The following NTNG2 variants were observed in gnomAD, a reference collection of about 807,000 sequenced individuals.
The protein encoded by NTNG2 is netrin G2.
In NTNG2, 15 loss-of-function variants were observed where a neutral mutation model predicts 47.6. The ratio of observed to expected loss-of-function variants is 0.32; its 90% CI spans 0.21 to 0.49. The LOEUF (loss-of-function observed/expected upper bound fraction) is 0.49, where lower values mean the gene tolerates loss of function less well. Among genes scored for constraint, NTNG2 ranks in the 20% least tolerant of loss-of-function variants. The probability of loss-of-function intolerance (pLI) is 0.99; values close to 1 mark genes in which losing one functional copy is unlikely to be tolerated. For synonymous variants in NTNG2, 307 were observed against 324.6 expected (o/e 0.95, Z 0.58); for missense variants, 578 against 764.6 (o/e 0.76, Z 2.88).
intron 1 of NTNG2, among the ~76,000 whole-genome samples, chr9:132,164,714 A>T (rs956640737): frequency 6.6e-6 from 1 of 152,264 alleles, no homozygotes; most frequent in African/African-American, 2.4e-5. Flanking sequence ...GTTCCCCTTT[A>T]AACAGCCAGA....
In NTNG2 at chr9:132,208,496, A is replaced by G. The variant is rs1233343338; in HGVS notation, c.857+9887A>G. 6.6e-6 allele frequency among the ~76,000 whole-genome samples: 1 copy of G among 152,058 alleles called. No homozygotes were observed. Among genetic ancestry groups the G allele is most frequent in the Non-Finnish European group, 1.5e-5 (1 of 68,018 alleles). ...GCCTGCAGGAGACTGGGCGGGCCCT[A>G]CCAAGACTGACAGCAGCCTGGCCGG... On this transcript the variant is annotated intron_variant, in intron 3 of 7. Transcript: ENST00000393229. The surrounding 1 kb of genome is among the most constrained non-coding windows in gnomAD (Gnocchi z 4.0).
At chr9:132,170,293 A>C (rs1387110114) in intron 2 of NTNG2, among the ~76,000 whole-genome samples, 2 of 152,254 alleles carry the variant, frequency 1.3e-5, no homozygotes. Flanking sequence ...ATAAATGAAT[A>C]AATAAAAACC....
At chr9:132,239,414 G>C in intron 6 of NTNG2, 143 bp downstream of exon 6, 7 of 762,752 alleles carry the variant, frequency 9.2e-6, no homozygotes, top group Non-Finnish European at 1.5e-5. Context: ...CTCTCCAGTT[G>C]AGCATCTCTA....
chr9:132,177,719 G>A (rs1488419476), intron 2 of NTNG2, among the ~76,000 whole-genome samples: 2 of 152,102 alleles, frequency 1.3e-5, no homozygotes, highest in Non-Finnish European at 2.9e-5. Context: ...GTGCAGTGGT[G>A]CGATCTCAGC....
intron 2 of NTNG2, among the ~76,000 whole-genome samples, chr9:132,170,904 G>T (rs1185429176): frequency 6.6e-6 from 1 of 152,206 alleles, no homozygotes; most frequent in Non-Finnish European, 1.5e-5. Flanking sequence ...CTGGGGTGGG[G>T]TTGGTCCAGG....
chr9:132,169,203 C>T (rs1835710007), intron 2 of NTNG2, among the ~76,000 whole-genome samples: 1 of 152,276 alleles, frequency 6.6e-6, no homozygotes, highest in Non-Finnish European at 1.5e-5. Context: ...ATGGGCAAGT[C>T]CTCGGCGTCT....
intron 2 of NTNG2, among the ~76,000 whole-genome samples, chr9:132,191,147 C>G (rs968653481): frequency 6.6e-6 from 1 of 152,070 alleles, no homozygotes; most frequent in African/African-American, 2.4e-5. Context: ...AGTGCCCAAC[C>G]CAGCCCGGGC....
At chr9:132,186,757 G>T (rs182053580) in intron 2 of NTNG2, among the ~76,000 whole-genome samples, 22 of 152,346 alleles carry the variant, frequency 1.4e-4, no homozygotes, top group Admixed American at 2.6e-4. Flanking sequence ...GCCCGCGGAT[G>T]CCCACCGCCT....
chr9:132,175,965 C>T (rs965884269), intron 2 of NTNG2, among the ~76,000 whole-genome samples: 2 of 152,140 alleles, frequency 1.3e-5, no homozygotes, highest in African/African-American at 4.8e-5. Context: ...ATGTATACCC[C>T]GGGCTCAGCA....
At chr9:132,168,622 A>G (rs1267192425) in intron 2 of NTNG2, among the ~76,000 whole-genome samples, 2 of 152,078 alleles carry the variant, frequency 1.3e-5, no homozygotes, top group African/African-American at 4.8e-5. Context: ...GTCTGTGGCC[A>G]TAACTGCCCC....
Position 132,166,570 on chromosome 9 carries a change from G to C in NTNG2, c.-262G>C. ...CAGGGGAGGTGTGATACCAGGGTTAGGAGGACGTGAAGTTATGGGCAACTT... is the reference window on the plus strand; with the variant it reads ...CAGGGGAGGTGTGATACCAGGGTTACGAGGACGTGAAGTTATGGGCAACTT... On this transcript the variant is annotated 5_prime_UTR_variant, in exon 2 of 8. Transcript: ENST00000393229. 1 of 519,214 alleles carries C rather than the reference G, an allele frequency of 1.9e-6. No homozygotes were observed. The highest frequency in any genetic ancestry group is 3.5e-6 in the Non-Finnish European group (1 of 285,034). 32.2% of individuals were successfully genotyped at this position (519,214 alleles called of 1,614,324 possible). A position where few individuals can be genotyped will look rare whatever the true frequency, so the allele number is the denominator to read the frequency against.
At chr9:132,223,304 C>T (rs1186232479) in intron 3 of NTNG2, among the ~76,000 whole-genome samples, 1 of 152,196 alleles carries the variant, frequency 6.6e-6, no homozygotes, top group African/African-American at 2.4e-5. Flanking sequence ...CAGATCCTTG[C>T]TCTGGAAGGC....
intron 2 of NTNG2, among the ~76,000 whole-genome samples, chr9:132,172,931 G>A (rs1836041935): frequency 1.3e-5 from 2 of 151,964 alleles, no homozygotes; most frequent in Admixed American, 1.3e-4. Context: ...GGGTTTCACT[G>A]TGTTAGCCAG....
rs755243066 is a variant in NTNG2, at chr9:132,196,439, C to T, written c.214-1527C>T. On this transcript the variant is annotated intron_variant, in intron 2 of 7. Transcript: ENST00000393229. The stretch of plus-strand genomic sequence containing the variant: ...AACTCCTGACCTCAGGTGATCTGCC[C>T]GCCTCGGCCTCCCAAAGTGCTGGAT... Among the ~76,000 whole-genome samples the T allele has an allele frequency of 6.6e-5, 10 of 151,972 alleles. 1 individual carries two copies. Among genetic ancestry groups the T allele is most frequent in the African/African-American group, 2.4e-4 (10 of 41,462 alleles).
In NTNG2 at chr9:132,221,608, G is replaced by C. The variant is rs904890353; in HGVS notation, c.858-5241G>C. The stretch of plus-strand genomic sequence containing the variant: ...AGAGGAGGCACTGTGCTTGTTCTGG[G>C]GCTCAGCCAGCGAGTTGAAGAGGCC... On this transcript the variant is annotated intron_variant, in intron 3 of 7. Transcript: ENST00000393229. The surrounding 1 kb of genome is among the most constrained non-coding windows in gnomAD (Gnocchi z 4.2). Among the ~76,000 whole-genome samples, 2 of 152,178 alleles carry C rather than the reference G, an allele frequency of 1.3e-5. No homozygotes were observed. Among genetic ancestry groups the C allele is most frequent in the African/African-American group, 4.8e-5 (2 of 41,446 alleles).
chr9:132,171,591 C>A (rs760132640), intron 2 of NTNG2, among the ~76,000 whole-genome samples: 4 of 152,188 alleles, frequency 2.6e-5, no homozygotes, highest in Non-Finnish European at 4.4e-5. Flanking sequence ...TCAGTTAGAA[C>A]CTGCTTTAGC....
chr9:132,188,132 T>C (rs1208528782), intron 2 of NTNG2, among the ~76,000 whole-genome samples: 2 of 152,216 alleles, frequency 1.3e-5, no homozygotes, highest in Non-Finnish European at 2.9e-5. Flanking sequence ...CGGCTGCCTT[T>C]CCTTGCCTTC....
At chr9:132,174,326 G>GGACAGACA (rs34189329) in intron 2 of NTNG2, among the ~76,000 whole-genome samples, 6 of 121,142 alleles carry the variant, frequency 5.0e-5, no homozygotes, top group South Asian at 2.8e-4. Context: ...ACGGACGGAC[G>GGACAGACA]GACAGACAGA....
At chr9:132,189,068 C>CTTTCTTTTTTTTTT (rs1837640741) in intron 2 of NTNG2, among the ~76,000 whole-genome samples, 7 of 93,232 alleles carry the variant, frequency 7.5e-5, no homozygotes, top group South Asian at 7.0e-4. Flanking sequence ...TTAAGCCTTT[C>CTTTCTTTTTTTTTT]TTTTTTTTTT....
Sources: gnomAD v4.1 joint callset for allele counts (sites outside exome capture counted in the v4.1 genomes callset) on GRCh38, gnomAD v4.1.1 for gene constraint, Gnocchi (gnomAD v3.1) non-coding constraint, MANE v1.5 for transcripts, NCBI Gene and HGNC (gene_info 2026-07-23, HGNC 2026-07-21) for gene names.